The following MCTP1 variants were observed in gnomAD, a reference collection of about 807,000 sequenced individuals.
MCTP1 encodes multiple C2 and transmembrane domain-containing protein 1.
MCTP1 carries 69 observed loss-of-function variants against 120.6 expected under a neutral mutation model. That is an observed-to-expected ratio of 0.57 (90% CI 0.47 to 0.70). The LOEUF is 0.70. Ranked by LOEUF, MCTP1 falls within the 30% of genes least tolerant of loss-of-function variation. The pLI, the probability that MCTP1 is intolerant of heterozygous loss-of-function variation, is 0.00. For missense variants in MCTP1, 1,203 were observed against 1,248.8 expected, an observed-to-expected ratio of 0.96 and a Z score of 0.55; for synonymous variants, 529 against 493.1, an observed-to-expected ratio of 1.07 and a Z score of -0.96.
Position 95,283,868 on chromosome 5 carries a change from G to T in MCTP1, c.708C>A (p.His236Gln), listed in dbSNP as rs1376461964. 7.3e-7 allele frequency: 1 copy of T among 1,374,276 alleles called. No homozygotes were observed. Among genetic ancestry groups the T allele is most frequent in the East Asian group, 3.0e-5 (1 of 33,016 alleles). The allele number at this position is 1,374,276 out of a possible 1,614,324, so 85.1% of individuals were successfully genotyped here. A position where few individuals can be genotyped will look rare whatever the true frequency, so the allele number is the denominator to read the frequency against. Reference sequence around the variant, plus strand: ...CACCGGCACTCACCTGGCTGCTGCCGTGCTCCTCGCCCGTCTCCGGGGCCC... The same window carrying T: ...CACCGGCACTCACCTGGCTGCTGCCTTGCTCCTCGCCCGTCTCCGGGGCCC... ...ESRAPETGEE[H>Q]GSSQKIINTA... is the part of the protein sequence containing the mutation. Residue 236 changes from histidine to glutamine, a missense_variant, in exon 1 of 23, where the codon CAC becomes CAA. Physicochemically the swap from His to Gln is conservative, Grantham distance 24 (BLOSUM62 0). Coordinates refer to ENST00000515393, the MANE Select transcript of MCTP1 (RefSeq NM_024717.7).
At chr5:95,200,032 G>A (rs1232799270) in intron 1 of MCTP1, among the ~76,000 whole-genome samples, 4 of 151,774 alleles carry the variant, frequency 2.6e-5, no homozygotes, top group African/African-American at 7.3e-5. Flanking sequence ...GTGGTGGCAC[G>A]TGCCTGCAAT....
intron 17 of MCTP1, among the ~76,000 whole-genome samples, chr5:94,841,829 A>T (rs765496401): frequency 2.6e-5 from 4 of 152,166 alleles, no homozygotes; most frequent in Non-Finnish European, 5.9e-5. Context: ...TTAAATTTGC[A>T]TACAGCCCCG....
intron 19 of MCTP1, among the ~76,000 whole-genome samples, chr5:94,733,398 T>C (rs1298009012): frequency 6.6e-6 from 1 of 152,242 alleles, no homozygotes. Flanking sequence ...ATTTCCATCA[T>C]CTTTCCTTAG....
intron 6 of MCTP1, chr5:94,929,658 G>C: frequency 8.1e-6 from 8 of 984,980 alleles, no homozygotes; most frequent in Non-Finnish European, 9.6e-6. Flanking sequence ...ACAATTTACC[G>C]GAGGAAAAGA....
chr5:94,809,507 A>G (rs766412951), intron 17 of MCTP1, among the ~76,000 whole-genome samples: 1 of 152,124 alleles, frequency 6.6e-6, no homozygotes, highest in Non-Finnish European at 1.5e-5. Context: ...GAGAATGTTG[A>G]TTCTCCAAGG....
Position 94,912,965 on chromosome 5 carries a change from T to C in MCTP1, c.1362A>G (p.Gln454=), listed in dbSNP as rs1809132285. The part of the protein sequence containing the change: ...PYCKNVQFQT[Q]SLRLSDLHRK... ...TGTGTAGGTCTGATAGGCGTAAACTTTGGGTCTGAAACTTTTGGCAAATGA... is the reference window on the plus strand; with the variant it reads ...TGTGTAGGTCTGATAGGCGTAAACTCTGGGTCTGAAACTTTTGGCAAATGA... The change falls in exon 9 of 23, where the codon CAA becomes CAG. Residue 454 remains glutamine (Q), a synonymous_variant. Transcript: ENST00000515393. 2 of 1,588,536 alleles carry C rather than the reference T, an allele frequency of 1.3e-6. No homozygotes were observed. The highest frequency in any genetic ancestry group is 1.8e-5 in the Admixed American group (1 of 55,602).
intron 2 of MCTP1, among the ~76,000 whole-genome samples, chr5:94,982,740 T>A (rs1829669407): frequency 6.6e-6 from 1 of 151,534 alleles, no homozygotes; most frequent in Non-Finnish European, 1.5e-5. Context: ...AATACAAAAA[T>A]TAACTGGGCA....
intron 1 of MCTP1, among the ~76,000 whole-genome samples, chr5:95,058,570 G>A (rs995224714): frequency 6.6e-5 from 10 of 152,104 alleles, no homozygotes; most frequent in East Asian, 5.8e-4. Context: ...CAAATGAAAC[G>A]CTGTATGGGA....
chr5:94,984,495 T>C (rs1581699125), intron 2 of MCTP1, among the ~76,000 whole-genome samples: 1 of 152,110 alleles, frequency 6.6e-6, no homozygotes, highest in African/African-American at 2.4e-5. Context: ...CAATAGCGCA[T>C]ATGAACTCAG....
At chr5:95,120,145 C>T (rs1758112239) in intron 1 of MCTP1, among the ~76,000 whole-genome samples, 1 of 140,614 alleles carries the variant, frequency 7.1e-6, no homozygotes, top group Admixed American at 7.9e-5. Flanking sequence ...CCACTGCACT[C>T]CAGCCTGGGC....
intron 19 of MCTP1, among the ~76,000 whole-genome samples, chr5:94,740,890 T>G (rs1180509071): frequency 6.6e-6 from 1 of 152,212 alleles, no homozygotes; most frequent in Non-Finnish European, 1.5e-5. Flanking sequence ...AAGGTGAGAT[T>G]AATCAAAGAA....
intron 1 of MCTP1, among the ~76,000 whole-genome samples, chr5:95,208,201 T>C (rs145154999): frequency 0.02 from 3,085 of 152,248 alleles, 102 homozygotes; most frequent in African/African-American, 0.07. Context: ...GCAATTCTCC[T>C]GCCTCAGCCT....
At chr5:94,952,187 A>AAAAAAAAAAAAAAAAAAAAC (rs1820796539) in intron 3 of MCTP1, among the ~76,000 whole-genome samples, 3 of 141,738 alleles carry the variant, frequency 2.1e-5, no homozygotes, top group Admixed American at 7.2e-5. Context: ...AAAAAAAAAA[A>AAAAAAAAAAAAAAAAAAAAC]AAAAAAGCTA....
chr5:94,877,221 T>C (rs1452944634), intron 12 of MCTP1, among the ~76,000 whole-genome samples: 1 of 152,156 alleles, frequency 6.6e-6, no homozygotes, highest in African/African-American at 2.4e-5. Flanking sequence ...CATTTTACGA[T>C]GAGGAATATT....
At chr5:94,800,183 A>C (rs895349419) in intron 17 of MCTP1, among the ~76,000 whole-genome samples, 5 of 152,198 alleles carry the variant, frequency 3.3e-5, no homozygotes, top group African/African-American at 1.2e-4. Context: ...TTTCGCAAAA[A>C]CCAAAACCCA....
chr5:94,883,381 G>A (rs1167465496), intron 12 of MCTP1, among the ~76,000 whole-genome samples: 1 of 152,100 alleles, frequency 6.6e-6, no homozygotes, highest in African/African-American at 2.4e-5. Context: ...TATATAATGG[G>A]AATAAAGCAT....
intron 6 of MCTP1, among the ~76,000 whole-genome samples, chr5:94,926,285 C>T (rs1039119722): frequency 6.6e-6 from 1 of 152,138 alleles, no homozygotes; most frequent in South Asian, 2.1e-4. Context: ...ATATTCAAAT[C>T]TAAGAGTCAA....
intron 1 of MCTP1, chr5:95,154,312 T>C (rs941890955): frequency 6.6e-6 from 1 of 151,768 alleles, no homozygotes; most frequent in African/African-American, 2.4e-5. Context: ...AAGTGCAGCT[T>C]GCTCATGTAG....
chr5:95,154,461 A>G (rs1025171021), intron 1 of MCTP1, among the ~76,000 whole-genome samples: 7 of 152,172 alleles, frequency 4.6e-5, no homozygotes, highest in Admixed American at 3.9e-4. Context: ...GAGATGAACT[A>G]TAAGGGTTAC....
Sources: gnomAD v4.1 joint callset for allele counts (sites outside exome capture counted in the v4.1 genomes callset) on GRCh38, gnomAD v4.1.1 for gene constraint, MANE v1.5 for transcripts, NCBI Gene and HGNC (gene_info 2026-07-23, HGNC 2026-07-21) for gene names.